The following INSC variants were observed in gnomAD, a reference collection of about 807,000 sequenced individuals.
The protein encoded by INSC is INSC spindle orientation adaptor protein, also known as protein inscuteable homolog.
In INSC, 67 loss-of-function variants were observed where a neutral mutation model predicts 58.6. That is an observed-to-expected ratio of 1.14 (90% CI 0.94 to 1.40). The LOEUF (loss-of-function observed/expected upper bound fraction) is 1.40, where lower values mean the gene tolerates loss of function less well. Ranked by LOEUF, INSC falls within the 40% of genes most tolerant of loss-of-function variation. INSC has a pLI of 0.00. For missense variants in INSC, 714 were observed against 692.0 expected (o/e 1.03, Z -0.36); for synonymous variants, 262 against 276.1 (o/e 0.95, Z 0.51).
chr11:15,210,056 G>A (rs912799326), intron 7 of INSC, among the ~76,000 whole-genome samples: 4 of 152,222 alleles, frequency 2.6e-5, no homozygotes, highest in Non-Finnish European at 4.4e-5. Flanking sequence ...GACTTAGGGA[G>A]GTTGGTGGGC....
At chr11:15,135,071 G>C (rs1848211422) in intron 1 of INSC, among the ~76,000 whole-genome samples, 1 of 152,138 alleles carries the variant, frequency 6.6e-6, no homozygotes, top group Non-Finnish European at 1.5e-5. Context: ...GGTGAGATTA[G>C]AGATGAGTCC....
intron 5 of INSC, 119 bp downstream of exon 5, chr11:15,178,566 C>T (rs1849655283): frequency 8.1e-7 from 1 of 1,237,522 alleles, no homozygotes; most frequent in South Asian, 1.6e-5. Context: ...TGGGAAACAT[C>T]TTACTCAAAC....
At chr11:15,136,625 T>C (rs1282922073) in intron 1 of INSC, among the ~76,000 whole-genome samples, 1 of 152,234 alleles carries the variant, frequency 6.6e-6, no homozygotes, top group Non-Finnish European at 1.5e-5. Flanking sequence ...AACTTCTTTC[T>C]TTGCTCATCC....
chr11:15,163,613 G>A (rs991023449), intron 2 of INSC, among the ~76,000 whole-genome samples: 1 of 152,008 alleles, frequency 6.6e-6, no homozygotes, highest in Non-Finnish European at 1.5e-5. Context: ...TTTTTGAGAT[G>A]GAGTCTTGCT....
intron 7 of INSC, among the ~76,000 whole-genome samples, chr11:15,216,918 A>T (rs1851240975): frequency 6.6e-6 from 1 of 152,200 alleles, no homozygotes; most frequent in African/African-American, 2.4e-5. Context: ...GGCACTATAC[A>T]TGCAGTCTCT....
chr11:15,192,764 C>T (rs1169872798), intron 6 of INSC, among the ~76,000 whole-genome samples: 1 of 152,166 alleles, frequency 6.6e-6, no homozygotes, highest in Non-Finnish European at 1.5e-5. Context: ...TAAATAACCT[C>T]CCTTATTCTC....
intron 1 of INSC, among the ~76,000 whole-genome samples, chr11:15,118,115 C>T (rs1847778139): frequency 6.6e-6 from 1 of 152,200 alleles, no homozygotes; most frequent in Non-Finnish European, 1.5e-5. Flanking sequence ...TGGAACACAA[C>T]ATCTCTGATC....
chr11:15,135,945 G>A (rs1848235037), intron 1 of INSC, among the ~76,000 whole-genome samples: 1 of 152,126 alleles, frequency 6.6e-6, no homozygotes, highest in African/African-American at 2.4e-5. Flanking sequence ...TTGGGGGAAG[G>A]AAGACTAGAT....
In INSC at chr11:15,229,844, G is replaced by A. The variant is rs924455601; in HGVS notation, c.1170+4016G>A. On this transcript the variant is annotated intron_variant, in intron 9 of 12. Coordinates refer to ENST00000379556, the MANE Select transcript of INSC (RefSeq NM_001042536.3). ...AGGTTGAGGCAGGCAGATTGCCTGTGTTCATGAGTTCAAGACCAGCCTGGG... is the reference window on the plus strand; with the variant it reads ...AGGTTGAGGCAGGCAGATTGCCTGTATTCATGAGTTCAAGACCAGCCTGGG... Among the ~76,000 whole-genome samples the A allele has an allele frequency of 1.1e-4, 16 of 146,478 alleles. No individual in the cohort carries two copies. In the Admixed American group the frequency reaches 1.1e-3, roughly 10 times the overall value.
intron 9 of INSC, among the ~76,000 whole-genome samples, chr11:15,233,181 G>A (rs1851989400): frequency 6.6e-6 from 1 of 152,180 alleles, no homozygotes; most frequent in African/African-American, 2.4e-5. Flanking sequence ...TCAAGGTGAT[G>A]TCCTCTGGAT....
At chr11:15,198,621 A>G (rs1850459615) in intron 6 of INSC, among the ~76,000 whole-genome samples, 1 of 152,154 alleles carries the variant, frequency 6.6e-6, no homozygotes, top group Non-Finnish European at 1.5e-5. Context: ...TAATATTTAT[A>G]CAATATGTAT....
intron 5 of INSC, among the ~76,000 whole-genome samples, chr11:15,187,041 G>A (rs1849994611): frequency 6.6e-6 from 1 of 152,174 alleles, no homozygotes; most frequent in South Asian, 2.1e-4. Flanking sequence ...TCACTCACAT[G>A]TATGGTGCCA....
intron 7 of INSC, among the ~76,000 whole-genome samples, chr11:15,204,112 G>A (rs1792549): frequency 0.73 from 110,900 of 152,208 alleles, 41,175 homozygotes; most frequent in East Asian, 0.96. Context: ...CATGACCACG[G>A]TGAGAGGAAC....
chr11:15,112,259 C>T (rs994240786), upstream of INSC, among the ~76,000 whole-genome samples: 13 of 152,268 alleles, frequency 8.5e-5, no homozygotes, highest in Non-Finnish European at 1.5e-4. Flanking sequence ...ATTGAGAAGT[C>T]AGGCAGACAG....
At chr11:15,231,172 C>T (rs1851909955) in intron 9 of INSC, among the ~76,000 whole-genome samples, 1 of 152,214 alleles carries the variant, frequency 6.6e-6, no homozygotes, top group African/African-American at 2.4e-5. Context: ...AAGAGATCCA[C>T]CTTTCTTCCC....
chr11:15,238,720 T>C (rs1852224029), intron 10 of INSC, among the ~76,000 whole-genome samples, 199 bp from the exon 11 acceptor site: 1 of 152,172 alleles, frequency 6.6e-6, no homozygotes, highest in South Asian at 2.1e-4. Context: ...CTCCCAAGTA[T>C]AGTGACTTGG....
At chr11:15,193,646 A>G (rs1185764276) in intron 6 of INSC, among the ~76,000 whole-genome samples, 1 of 152,218 alleles carries the variant, frequency 6.6e-6, no homozygotes, top group Admixed American at 6.5e-5. Flanking sequence ...GCTGCATAGT[A>G]TTCCATGGTG....
At chr11:15,113,140 T>TC (rs1847610737), upstream of INSC, among the ~76,000 whole-genome samples, 1 of 132,134 alleles carries the variant, frequency 7.6e-6, no homozygotes, top group Non-Finnish European at 1.6e-5. Flanking sequence ...TTTCTTTCTT[T>TC]CTTTCTGTCT....
chr11:15,240,607 T>G, intron 12 of INSC, 84 bp downstream of exon 12: 1 of 1,134,048 alleles, frequency 8.8e-7, no homozygotes, highest in Non-Finnish European at 1.3e-6. Flanking sequence ...GTGCTGTGGC[T>G]GGCTTCAGTA....
Sources: allele counts gnomAD v4.1 joint callset (sites outside exome capture counted in the v4.1 genomes callset), GRCh38; gene constraint gnomAD v4.1.1; transcripts MANE v1.5; gene names NCBI Gene and HGNC (gene_info 2026-07-23, HGNC 2026-07-21).